PRKG1: variants seen among roughly 807,000 people sequenced by gnomAD.
PRKG1 encodes cGMP-dependent protein kinase 1.
PRKG1 carries 35 observed loss-of-function variants against 88.1 expected under a neutral mutation model. That is an observed-to-expected ratio of 0.40 (90% confidence interval 0.30 to 0.53). PRKG1 has a LOEUF of 0.53. PRKG1 is among the 20% of genes least tolerant of loss of function. PRKG1 has a pLI of 0.59. For missense variants in PRKG1, 540 were observed against 839.8 expected (o/e 0.64, Z 4.41); for synonymous variants, 303 against 292.5 (o/e 1.04, Z -0.37).
chr10:51,429,641 A>G (rs563488796), intron 2 of PRKG1, among the ~76,000 whole-genome samples: 4 of 152,304 alleles, frequency 2.6e-5, no homozygotes, highest in African/African-American at 9.6e-5. Flanking sequence ...GACATAAATT[A>G]TCAAAAGAAA....
intron 2 of PRKG1, among the ~76,000 whole-genome samples, chr10:51,301,421 C>T (rs1840882090): frequency 6.6e-6 from 1 of 151,760 alleles, no homozygotes; most frequent in African/African-American, 2.4e-5. Flanking sequence ...ATATAACTCC[C>T]CTAATTATTT....
intron 4 of PRKG1, among the ~76,000 whole-genome samples, chr10:51,887,369 G>A (rs10762470): frequency 0.75 from 113,927 of 151,794 alleles, 43,264 homozygotes; most frequent in African/African-American, 0.87. Flanking sequence ...TAAGGCTGCA[G>A]TGAACAGGAA....
chr10:51,501,497 T>TTCCAC (rs1841022219), intron 3 of PRKG1, among the ~76,000 whole-genome samples: 1 of 152,114 alleles, frequency 6.6e-6, no homozygotes, highest in Non-Finnish European at 1.5e-5. Flanking sequence ...GGCATGTGTC[T>TTCCAC]TGTCTAATGG....
At chr10:51,847,253 T>C (rs1840422827) in intron 4 of PRKG1, among the ~76,000 whole-genome samples, 1 of 152,224 alleles carries the variant, frequency 6.6e-6, no homozygotes. Context: ...CCTGCCATTA[T>C]GAACTAAACA....
chr10:51,971,028 G>C (rs1356321096), intron 5 of PRKG1, among the ~76,000 whole-genome samples: 1 of 151,700 alleles, frequency 6.6e-6, no homozygotes, highest in Non-Finnish European at 1.5e-5. Flanking sequence ...AAAGGAATAA[G>C]CTAATGCTAC....
At chr10:51,974,778 G>A (rs1411425437) in intron 5 of PRKG1, among the ~76,000 whole-genome samples, 30 of 151,994 alleles carry the variant, frequency 2.0e-4, no homozygotes, top group Admixed American at 2.0e-3. Context: ...TATCTCTTAT[G>A]ACACTGTAAC....
intron 7 of PRKG1, among the ~76,000 whole-genome samples, chr10:52,120,472 C>T (rs941956926): frequency 4.6e-5 from 7 of 152,268 alleles, no homozygotes; most frequent in African/African-American, 4.8e-5. Context: ...GACAAATTCT[C>T]TCCAGCTGTG....
chr10:51,525,196 G>T (rs1841847498), intron 3 of PRKG1, among the ~76,000 whole-genome samples: 1 of 149,582 alleles, frequency 6.7e-6, no homozygotes, highest in African/African-American at 2.5e-5. Context: ...GAGAGTAGGA[G>T]GAGGAAGAGA....
chr10:52,270,655 G>A (rs867239002), intron 10 of PRKG1, among the ~76,000 whole-genome samples: 5 of 142,184 alleles, frequency 3.5e-5, no homozygotes, highest in Middle Eastern at 4.2e-3. Context: ...TCACTCATAG[G>A]TGGGAATTGA....
In PRKG1 at chr10:51,107,757, G is replaced by A. The variant is rs569431972; in HGVS notation, c.311+32856G>A. Among the ~76,000 whole-genome samples, 88 of 141,804 alleles carry A rather than the reference G, an allele frequency of 6.2e-4. 1 individual carries two copies. Among genetic ancestry groups the A allele is most frequent in the African/African-American group, 2.2e-3 (82 of 37,510 alleles). The allele number at this position is 141,804 out of a possible 152,430, so 93.0% of individuals were successfully genotyped here. A position where few individuals can be genotyped will look rare whatever the true frequency, so the allele number is the denominator to read the frequency against. On this transcript the variant is annotated intron_variant, in intron 1 of 17. Coordinates refer to ENST00000373980, the MANE Select transcript of PRKG1 (RefSeq NM_006258.4). The stretch of plus-strand genomic sequence containing the variant: ...GAGGGTATTTTGAGCCTGGGAAGTC[G>A]CAGTTTCAGTGAGCCATGACTCCAG...
chr10:51,586,071 G>A (rs983573798), intron 3 of PRKG1, among the ~76,000 whole-genome samples: 2 of 151,818 alleles, frequency 1.3e-5, no homozygotes, highest in African/African-American at 2.4e-5. Context: ...CCCAAGCCTC[G>A]GTATCACGCA....
chr10:51,660,130 T>TAAAA (rs36010118), intron 3 of PRKG1, among the ~76,000 whole-genome samples: 1 of 135,740 alleles, frequency 7.4e-6, no homozygotes. Flanking sequence ...GGAAGGGAAT[T>TAAAA]AAAAAAAAAA....
chr10:51,894,378 A>G (rs1017733725), intron 4 of PRKG1, among the ~76,000 whole-genome samples: 3 of 152,168 alleles, frequency 2.0e-5, no homozygotes, highest in Non-Finnish European at 4.4e-5. Flanking sequence ...ATAGAGAGAG[A>G]AAGTAGACTA....
intron 2 of PRKG1, among the ~76,000 whole-genome samples, chr10:51,188,125 A>G (rs977471729): frequency 1.3e-5 from 2 of 152,018 alleles, no homozygotes; most frequent in Non-Finnish European, 2.9e-5. Flanking sequence ...TTGTGGCACT[A>G]TACGATGAAC....
At chr10:51,036,082 T>A (rs533151876) in intron 1 of PRKG1, among the ~76,000 whole-genome samples, 5 of 152,304 alleles carry the variant, frequency 3.3e-5, no homozygotes, top group Admixed American at 3.3e-4. Flanking sequence ...ATCACTGTAG[T>A]TAAGTACTGA....
chr10:51,108,412 A>C (rs531610395), intron 1 of PRKG1, among the ~76,000 whole-genome samples: 1 of 152,180 alleles, frequency 6.6e-6, no homozygotes, highest in Non-Finnish European at 1.5e-5. Flanking sequence ...CATTATCCCC[A>C]CTGGTGTACA....
chr10:52,137,276 A>C (rs781113671), intron 8 of PRKG1, among the ~76,000 whole-genome samples: 9 of 152,154 alleles, frequency 5.9e-5, no homozygotes, highest in Non-Finnish European at 1.2e-4. Context: ...TGGTGTCCTC[A>C]AAGGCATTCT....
chr10:51,651,318 A>T (rs936835161), intron 3 of PRKG1, among the ~76,000 whole-genome samples: 1 of 151,862 alleles, frequency 6.6e-6, no homozygotes, highest in African/African-American at 2.4e-5. Context: ...TAATCAAATG[A>T]CTCAGTCCTC....
chr10:51,293,991 C>T (rs902749575), intron 2 of PRKG1, among the ~76,000 whole-genome samples: 7 of 152,096 alleles, frequency 4.6e-5, no homozygotes, highest in Non-Finnish European at 7.4e-5. Context: ...AGCATTTTTT[C>T]ATATGGCTGT....
Sources: gnomAD v4.1 joint callset for allele counts (sites outside exome capture counted in the v4.1 genomes callset) on GRCh38, gnomAD v4.1.1 for gene constraint, MANE v1.5 for transcripts, NCBI Gene and HGNC (gene_info 2026-07-23, HGNC 2026-07-21) for gene names.